Variants in PTPRM observed in about 807,000 individuals in gnomAD.
PTPRM encodes receptor-type tyrosine-protein phosphatase mu.
PTPRM carries 47 observed loss-of-function variants against 186.7 expected under a neutral mutation model. The ratio of observed to expected loss-of-function variants is 0.25; its 90% CI spans 0.20 to 0.32. PTPRM has a LOEUF of 0.32. Among genes scored for constraint, PTPRM ranks in the 10% least tolerant of loss-of-function variants. PTPRM has a pLI of 1.00. For missense variants in PTPRM, 1,494 were observed against 1,865.0 expected (o/e 0.80, Z 3.66); for synonymous variants, 668 against 674.9 (o/e 0.99, Z 0.16).
chr18:7,860,074 A>AT (rs1305641261), intron 2 of PTPRM, among the ~76,000 whole-genome samples: 4 of 149,804 alleles, frequency 2.7e-5, no homozygotes, highest in Admixed American at 1.4e-4. Context: ...AAATGTTTTT[A>AT]TTTTATTTTT....
intron 3 of PTPRM, among the ~76,000 whole-genome samples, chr18:7,894,809 C>T (rs890046726): frequency 3.9e-5 from 6 of 152,022 alleles, no homozygotes; most frequent in African/African-American, 1.5e-4. Context: ...TCTCAAGGTA[C>T]AGGAAGTCAG....
chr18:8,384,792 G>A (rs2095761083), intron 30 of PTPRM, 106 bp downstream of exon 30: 24 of 1,444,068 alleles, frequency 1.7e-5, no homozygotes, highest in Non-Finnish European at 2.3e-5. Context: ...CAGGAGTTTG[G>A]AGTATGTCAG....
At chr18:8,401,417 A>G (rs1427499284) in intron 32 of PTPRM, among the ~76,000 whole-genome samples, 1 of 152,226 alleles carries the variant, frequency 6.6e-6, no homozygotes, top group Non-Finnish European at 1.5e-5. Context: ...GTGGCTGGCC[A>G]CAACCTGGCT....
intron 1 of PTPRM, among the ~76,000 whole-genome samples, chr18:7,628,858 T>C (rs1057172229): frequency 1.1e-4 from 16 of 152,228 alleles, no homozygotes; most frequent in African/African-American, 3.6e-4. Context: ...GCAATTTTAA[T>C]TCTTCTATCA....
chr18:8,181,800 G>A (rs2093578938), intron 14 of PTPRM, among the ~76,000 whole-genome samples: 2 of 152,074 alleles, frequency 1.3e-5, no homozygotes, highest in Admixed American at 1.3e-4. Context: ...GGTGCTGGCA[G>A]TGTTGCAAAG....
chr18:7,873,262 C>T (rs754506994), intron 2 of PTPRM, among the ~76,000 whole-genome samples: 5 of 152,110 alleles, frequency 3.3e-5, no homozygotes, highest in Non-Finnish European at 7.3e-5. Flanking sequence ...CTGAAGATGA[C>T]CCTAATAGCT....
chr18:7,799,073 C>G (rs1377293899), intron 2 of PTPRM, among the ~76,000 whole-genome samples: 1 of 152,022 alleles, frequency 6.6e-6, no homozygotes, highest in Admixed American at 6.6e-5. Context: ...AACAAAATAC[C>G]CAAGACTGAG....
chr18:8,090,196 G>A (rs2090637602), intron 11 of PTPRM, among the ~76,000 whole-genome samples: 1 of 152,132 alleles, frequency 6.6e-6, no homozygotes, highest in African/African-American at 2.4e-5. Context: ...CAAGACTCAA[G>A]TGTACCCATG....
chr18:7,614,167 C>G (rs2037747064), intron 1 of PTPRM, among the ~76,000 whole-genome samples: 1 of 152,130 alleles, frequency 6.6e-6, no homozygotes, highest in African/African-American at 2.4e-5. Flanking sequence ...ACTAGTTATA[C>G]AAATGATTTA....
At chr18:7,741,791 C>T (rs2040889573) in intron 1 of PTPRM, 1 of 152,168 alleles carries the variant, frequency 6.6e-6, no homozygotes. Context: ...TAAGTGAAAC[C>T]TTAGCACTGG....
intron 1 of PTPRM, among the ~76,000 whole-genome samples, chr18:7,727,461 T>C (rs1438208462): frequency 1.3e-5 from 2 of 152,248 alleles, no homozygotes; most frequent in Non-Finnish European, 2.9e-5. Flanking sequence ...TATACTCAGA[T>C]AAATTTTTGC....
At chr18:7,742,256 A>C (rs1257031527) in intron 1 of PTPRM, among the ~76,000 whole-genome samples, 1 of 152,250 alleles carries the variant, frequency 6.6e-6, no homozygotes, top group African/African-American at 2.4e-5. Flanking sequence ...ATATGTTGAC[A>C]GTTTCTAATA....
At chr18:7,744,393 T>TA (rs2144536792) in intron 1 of PTPRM, among the ~76,000 whole-genome samples, 1 of 152,058 alleles carries the variant, frequency 6.6e-6, no homozygotes, top group Non-Finnish European at 1.5e-5. Flanking sequence ...TCATGAAGAA[T>TA]AGAGTGGGAG....
At chr18:8,129,733 G>C (rs1463909720) in intron 13 of PTPRM, among the ~76,000 whole-genome samples, 1 of 152,170 alleles carries the variant, frequency 6.6e-6, no homozygotes, top group African/African-American at 2.4e-5. Context: ...GAATGGAAAG[G>C]AAGTCAGAAT....
At chr18:7,822,279 G>A (rs975310598) in intron 2 of PTPRM, among the ~76,000 whole-genome samples, 1 of 152,136 alleles carries the variant, frequency 6.6e-6, no homozygotes, top group African/African-American at 2.4e-5. Context: ...CCTGGCCTGG[G>A]CTATAATGTG....
intron 2 of PTPRM, among the ~76,000 whole-genome samples, chr18:7,799,980 C>A (rs2043869514): frequency 6.6e-6 from 1 of 152,126 alleles, no homozygotes; most frequent in Non-Finnish European, 1.5e-5. Context: ...ATGGCAGTAT[C>A]TGTGAAAGTG....
chr18:8,193,227 C>T (rs1433606556), intron 14 of PTPRM, among the ~76,000 whole-genome samples: 2 of 152,104 alleles, frequency 1.3e-5, no homozygotes, highest in African/African-American at 2.4e-5. Flanking sequence ...ATGTTAACAA[C>T]TGCTGGAACC....
At chr18:8,093,807 A>C (rs2090879009) in intron 11 of PTPRM, among the ~76,000 whole-genome samples, 1 of 152,226 alleles carries the variant, frequency 6.6e-6, no homozygotes, top group Admixed American at 6.5e-5. Flanking sequence ...AAAGGAAATA[A>C]ACACTTGGCA....
chr18:8,142,197 G>C lies in PTPRM; in HGVS notation c.2168-1450G>C, dbSNP rs186903977. Among the ~76,000 whole-genome samples, 101 of 152,266 alleles carry C rather than the reference G, an allele frequency of 6.6e-4. 1 individual carries two copies. The East Asian group carries it at 0.013, about 19-fold the overall frequency. On this transcript the variant is annotated intron_variant, in intron 13 of 32. Coordinates refer to ENST00000580170, the MANE Select transcript of PTPRM (RefSeq NM_001105244.2). ...TCAGAAATAAAATTGACCTGTAGAG[G>C]CTTCTTCAGAAGGGTTTTTATTTCA...
Sources: allele counts gnomAD v4.1 joint callset (sites outside exome capture counted in the v4.1 genomes callset), GRCh38; gene constraint gnomAD v4.1.1; transcripts MANE v1.5; gene names NCBI Gene and HGNC (gene_info 2026-07-23, HGNC 2026-07-21).